Variants in CNTN5 observed in about 807,000 individuals in gnomAD.
The protein encoded by CNTN5 is contactin-5.
CNTN5 carries 77 observed loss-of-function variants against 129.1 expected under a neutral mutation model. The observed-to-expected ratio is 0.60, with a 90% confidence interval of 0.50 to 0.72. The LOEUF is 0.72. Among genes scored for constraint, CNTN5 ranks in the 30% least tolerant of loss-of-function variants. The probability of loss-of-function intolerance (pLI) is 0.00; values close to 1 mark genes in which losing one functional copy is unlikely to be tolerated. For missense variants in CNTN5, 1,478 were observed against 1,328.8 expected, an observed-to-expected ratio of 1.11 and a Z score of -1.75; for synonymous variants, 509 against 465.6, an observed-to-expected ratio of 1.09 and a Z score of -1.20.
rs556789987 is a variant in CNTN5 at position 99,884,311 on chromosome 11, C to T, written c.578-31743C>T. 2.2e-4 allele frequency among the ~76,000 whole-genome samples: 33 copies of T among 151,770 alleles called. No individual in the cohort carries two copies. The East Asian group carries it at 2.7e-3, about 12-fold the overall frequency. The stretch of plus-strand genomic sequence containing the variant: ...ACTAAAATAATATAATTTGTAGATA[C>T]GGAATATAACATAACTATGTATGAA... On this transcript the variant is annotated intron_variant, in intron 6 of 24. Transcript: ENST00000524871.
chr11:99,854,366 C>T (rs1259788668), intron 6 of CNTN5, among the ~76,000 whole-genome samples: 1 of 152,104 alleles, frequency 6.6e-6, no homozygotes, highest in Non-Finnish European at 1.5e-5. Context: ...ACAGAGGACA[C>T]CAAAGAATAA....
At chr11:99,111,256 T>C (rs1227740852) in intron 1 of CNTN5, among the ~76,000 whole-genome samples, 1 of 152,052 alleles carries the variant, frequency 6.6e-6, no homozygotes, top group Non-Finnish European at 1.5e-5. Context: ...CTTGTGTCTA[T>C]GAGATGTCAG....
At chr11:100,253,109 A>G (rs1175156774) in intron 16 of CNTN5, among the ~76,000 whole-genome samples, 1 of 152,100 alleles carries the variant, frequency 6.6e-6, no homozygotes, top group Non-Finnish European at 1.5e-5. Context: ...TTCAAATGCC[A>G]TCTCTATCTC....
intron 3 of CNTN5, among the ~76,000 whole-genome samples, chr11:99,689,244 A>C (rs1028180237): frequency 6.6e-6 from 1 of 152,010 alleles, no homozygotes; most frequent in Non-Finnish European, 1.5e-5. Context: ...AGCATTCCTG[A>C]GGGCCGGGCG....
At chr11:99,193,989 A>C (rs1254763686) in intron 1 of CNTN5, among the ~76,000 whole-genome samples, 2 of 152,158 alleles carry the variant, frequency 1.3e-5, no homozygotes, top group Non-Finnish European at 2.9e-5. Context: ...AGAACATGGT[A>C]AGAACAGAAT....
At chr11:100,046,512 A>C (rs1352459959) in intron 9 of CNTN5, among the ~76,000 whole-genome samples, 2 of 152,114 alleles carry the variant, frequency 1.3e-5, no homozygotes, top group East Asian at 3.9e-4. Flanking sequence ...GCATTATGAC[A>C]TATGTAGTTA....
chr11:99,887,841 C>A (rs1948940036), intron 6 of CNTN5, among the ~76,000 whole-genome samples: 1 of 152,198 alleles, frequency 6.6e-6, no homozygotes, highest in African/African-American at 2.4e-5. Flanking sequence ...CTAGCCTAGC[C>A]ATGCTGGTAG....
intron 1 of CNTN5, among the ~76,000 whole-genome samples, chr11:99,101,102 G>C (rs923592914): frequency 6.6e-6 from 1 of 152,134 alleles, no homozygotes; most frequent in African/African-American, 2.4e-5. Flanking sequence ...ATGGTGGCAG[G>C]CAAGAGAGAG....
intron 8 of CNTN5, among the ~76,000 whole-genome samples, chr11:99,987,406 A>G (rs1938754025): frequency 6.6e-6 from 1 of 151,808 alleles, no homozygotes; most frequent in African/African-American, 2.4e-5. Context: ...TTCTCTTTAT[A>G]TATATACACA....
intron 1 of CNTN5, among the ~76,000 whole-genome samples, chr11:99,324,195 T>C (rs1007644096): frequency 6.6e-6 from 1 of 152,180 alleles, no homozygotes; most frequent in East Asian, 1.9e-4. Context: ...TACAAGCAAC[T>C]GAAATACTTT....
intron 3 of CNTN5, among the ~76,000 whole-genome samples, chr11:99,714,702 G>A (rs901249200): frequency 1.3e-5 from 2 of 151,886 alleles, no homozygotes; most frequent in African/African-American, 2.4e-5. Flanking sequence ...CGAGGTTCAA[G>A]CCAAAAGCCA....
At chr11:99,687,761 AT>A (rs1194997279) in intron 3 of CNTN5, among the ~76,000 whole-genome samples, 1 of 152,214 alleles carries the variant, frequency 6.6e-6, no homozygotes, top group Non-Finnish European at 1.5e-5. Context: ...CCTAAAATAT[AT>A]TCAGTTACTT....
At chr11:99,362,236 G>T (rs755891616) in intron 2 of CNTN5, among the ~76,000 whole-genome samples, 55 of 152,062 alleles carry the variant, frequency 3.6e-4, no homozygotes, top group Admixed American at 6.6e-5. Context: ...AGTGACTAAA[G>T]ATGCTGAGCA....
chr11:99,924,369 G>A (rs1950012927), intron 7 of CNTN5, among the ~76,000 whole-genome samples: 1 of 152,072 alleles, frequency 6.6e-6, no homozygotes, highest in Non-Finnish European at 1.5e-5. Context: ...GATTTTTATA[G>A]TTTGAGGTCT....
chr11:99,420,687 A>T (rs1591653497), intron 2 of CNTN5, among the ~76,000 whole-genome samples: 1 of 152,204 alleles, frequency 6.6e-6, no homozygotes, highest in African/African-American at 2.4e-5. Context: ...AATGCCTGAT[A>T]AATTGAAAGC....
At chr11:99,411,788 A>C (rs117499670) in intron 2 of CNTN5, among the ~76,000 whole-genome samples, 1,831 of 152,306 alleles carry the variant, frequency 0.012, 17 homozygotes, top group Non-Finnish European at 0.017. Context: ...AAAAATTTCT[A>C]AACTTAGCAC....
chr11:99,657,155 C>A (rs1413434852), intron 3 of CNTN5, among the ~76,000 whole-genome samples: 4 of 151,686 alleles, frequency 2.6e-5, no homozygotes, highest in Non-Finnish European at 4.4e-5. Flanking sequence ...ATACAGAAAG[C>A]CTCACTGAAC....
intron 1 of CNTN5, among the ~76,000 whole-genome samples, chr11:99,282,457 A>G (rs1863743881): frequency 6.6e-6 from 1 of 152,008 alleles, no homozygotes; most frequent in Admixed American, 6.6e-5. Context: ...GTATGGATTG[A>G]TATTCCAAGT....
chr11:99,819,639 A>G lies in CNTN5; in HGVS notation c.151A>G (p.Arg51Gly). 6.2e-7 allele frequency: 1 copy of G among 1,613,080 alleles called. No homozygotes were observed. Among genetic ancestry groups the G allele is most frequent in the Non-Finnish European group, 8.5e-7 (1 of 1,179,834 alleles). Residue 51 changes from arginine to glycine, a missense_variant, in exon 4 of 25, where the codon AGA becomes GGA. Arg to Gly is a moderately radical substitution (Grantham distance 125, BLOSUM62 -2). Coordinates refer to ENST00000524871, the MANE Select transcript of CNTN5 (RefSeq NM_014361.4). ...TTCATCTCTCTTTGGTTCCAAAACC[A>G]GACCACGATACAGCAGCCCTTCATT... ...SSSSLFGSKT[R>G]PRYSSPSLGT...
Sources: gnomAD v4.1 joint callset for allele counts (sites outside exome capture counted in the v4.1 genomes callset) on GRCh38, gnomAD v4.1.1 for gene constraint, MANE v1.5 for transcripts, NCBI Gene and HGNC (gene_info 2026-07-23, HGNC 2026-07-21) for gene names.